The following SYN3 variants were observed in gnomAD, a reference collection of about 807,000 sequenced individuals.
SYN3 encodes the protein synapsin III.
A neutral mutation model predicts 65.8 loss-of-function variants in SYN3; 35 were observed. The ratio of observed to expected loss-of-function variants is 0.53; its 90% CI spans 0.41 to 0.70. The LOEUF is 0.70. Ranked by LOEUF, SYN3 falls within the 30% of genes least tolerant of loss-of-function variation. The pLI is 0.00. For synonymous variants in SYN3, 270 were observed against 292.9 expected (o/e 0.92, Z 0.80); for missense variants, 680 against 749.0 (o/e 0.91, Z 1.08).
At chr22:32,572,411 C>CTCTTCA (rs2058782811) in intron 7 of SYN3, among the ~76,000 whole-genome samples, 3 of 9,602 alleles carry the variant, frequency 3.1e-4, no homozygotes, top group African/African-American at 4.8e-4. Flanking sequence ...TCCCTCCTGT[C>CTCTTCA]TTTCCTTCCT....
At chr22:32,752,380 T>C (rs1326070262) in intron 6 of SYN3, among the ~76,000 whole-genome samples, 1 of 152,162 alleles carries the variant, frequency 6.6e-6, no homozygotes, top group African/African-American at 2.4e-5. Context: ...AAAATCTTGC[T>C]CATTTATGAG....
At chr22:32,667,985 G>A (rs937555336) in intron 6 of SYN3, among the ~76,000 whole-genome samples, 140 of 151,532 alleles carry the variant, frequency 9.2e-4, no homozygotes, top group African/African-American at 2.3e-3. Context: ...TAGTAGAGAC[G>A]GGGTTTCACC....
intron 3 of SYN3, among the ~76,000 whole-genome samples, chr22:32,965,227 C>G (rs774724705): frequency 1.2e-4 from 18 of 145,712 alleles, no homozygotes; most frequent in Admixed American, 2.1e-4. Flanking sequence ...TCAAATCTTG[C>G]TTTACCTGCA....
chr22:32,886,245 C>T (rs2049284880), intron 4 of SYN3, among the ~76,000 whole-genome samples: 1 of 152,154 alleles, frequency 6.6e-6, no homozygotes. Context: ...ACCCCTTGAC[C>T]TGGAATCAGA....
At chr22:32,816,098 A>G (rs1223144285) in intron 6 of SYN3, among the ~76,000 whole-genome samples, 1 of 152,138 alleles carries the variant, frequency 6.6e-6, no homozygotes, top group African/African-American at 2.4e-5. Context: ...CCATGAAGCC[A>G]GATTCTTGGC....
rs748352732 is a variant in SYN3 at position 32,931,500 on chromosome 22, C to CA, written c.370-20dup. The CA allele has an allele frequency of 4.4e-6, 7 of 1,574,386 alleles. No homozygotes were observed. The East Asian group carries it at 6.7e-5, about 15-fold the overall frequency. ...ATTCAGCCTGAAGAATAAAGCAAAG[C>CA]AAAAAAGGATTCATCAAATACCAAC... is the stretch of plus-strand genomic sequence containing the variant. On this transcript the variant is annotated intron_variant, in intron 3 of 13. Transcript: ENST00000358763.
intron 2 of SYN3, among the ~76,000 whole-genome samples, chr22:32,986,837 G>A (rs112027043): frequency 6.6e-6 from 1 of 152,074 alleles, no homozygotes; most frequent in Non-Finnish European, 1.5e-5. Flanking sequence ...ATTCCACGAA[G>A]ATTCTCTCTC....
chr22:32,659,493 T>C (rs955967351), intron 6 of SYN3, among the ~76,000 whole-genome samples: 2 of 152,208 alleles, frequency 1.3e-5, no homozygotes, highest in African/African-American at 4.8e-5. Flanking sequence ...ACCTGTGACA[T>C]GACTGGTACC....
chr22:32,608,769 AAT>A (rs2059402115), intron 6 of SYN3, among the ~76,000 whole-genome samples: 2 of 152,204 alleles, frequency 1.3e-5, no homozygotes, highest in Admixed American at 1.3e-4. Flanking sequence ...TATAAATGGG[AAT>A]AAGCACACCC....
intron 1 of SYN3, among the ~76,000 whole-genome samples, chr22:33,025,285 C>T (rs1304278228): frequency 2.0e-5 from 3 of 151,906 alleles, no homozygotes; most frequent in Non-Finnish European, 4.4e-5. Context: ...AAAACCCCGT[C>T]TCTACTAAAA....
rs188768894 is a variant in SYN3 at position 32,644,808 on chromosome 22, C to T, written c.712-48072G>A. On this transcript the variant is annotated intron_variant, in intron 6 of 13. Coordinates refer to ENST00000358763, the MANE Select transcript of SYN3 (RefSeq NM_003490.4). ...TCCTGGGGTGGCTGCCTGGGGCCTC[C>T]CAGTGCTGTGGCCTTGGTGGCTTTT... Among the ~76,000 whole-genome samples, 713 of 152,200 alleles carry T rather than the reference C, an allele frequency of 4.7e-3. 11 individuals carry two copies. Among genetic ancestry groups the T allele is most frequent in the Admixed American group, 0.027 (418 of 15,286 alleles).
chr22:32,752,703 C>T (rs1055089754), intron 6 of SYN3, among the ~76,000 whole-genome samples: 2 of 152,192 alleles, frequency 1.3e-5, no homozygotes, highest in East Asian at 1.9e-4. Context: ...CCCCTGCTCT[C>T]GGCCAGTCAC....
chr22:32,670,748 A>G (rs931471336), intron 6 of SYN3, among the ~76,000 whole-genome samples: 6 of 152,268 alleles, frequency 3.9e-5, no homozygotes, highest in Non-Finnish European at 8.8e-5. Flanking sequence ...ATGCTGTGCA[A>G]AAGAACTGTT....
At chr22:33,013,545 T>C (rs1225970597) in intron 1 of SYN3, among the ~76,000 whole-genome samples, 3 of 152,176 alleles carry the variant, frequency 2.0e-5, no homozygotes, top group African/African-American at 7.2e-5. Context: ...CTCACACACA[T>C]CATTTTCTGT....
In SYN3 at chr22:32,948,193, A is replaced by C. The variant is rs1601760627; in HGVS notation, c.370-16712T>G. Among the ~76,000 whole-genome samples, 3 of 152,324 alleles carry C rather than the reference A, an allele frequency of 2.0e-5. 1 individual carries two copies. The South Asian group carries it at 6.2e-4, about 32-fold the overall frequency. On this transcript the variant is annotated intron_variant, in intron 3 of 13. Coordinates refer to ENST00000358763, the MANE Select transcript of SYN3 (RefSeq NM_003490.4). ...GGACTTGTGTGGTTTGATGGGGTCT[A>C]GTTGGATACTGTAGAATCCTCTCCT...
At chr22:32,875,460 C>T (rs571229282) in intron 4 of SYN3, among the ~76,000 whole-genome samples, 4 of 152,220 alleles carry the variant, frequency 2.6e-5, no homozygotes, top group Non-Finnish European at 5.9e-5. Context: ...GGGAACCCCA[C>T]ATGTTATGGG....
intron 6 of SYN3, among the ~76,000 whole-genome samples, chr22:32,767,820 C>T (rs2045668375): frequency 6.6e-6 from 1 of 152,128 alleles, no homozygotes; most frequent in African/African-American, 2.4e-5. Flanking sequence ...GACTTGGGGA[C>T]TCTTCTCTAC....
intron 7 of SYN3, among the ~76,000 whole-genome samples, chr22:32,568,214 G>T (rs1255056696): frequency 6.6e-6 from 1 of 152,144 alleles, no homozygotes; most frequent in Non-Finnish European, 1.5e-5. Flanking sequence ...TTCCTGGAAT[G>T]CTCTCCTTGC....
chr22:32,528,734 C>T, intron 11 of SYN3, 140 bp downstream of exon 11: 1 of 1,224,794 alleles, frequency 8.2e-7, no homozygotes. Context: ...CAATGTCTGG[C>T]CTTCGTCCAC....
Sources: gnomAD v4.1 joint callset for allele counts (sites outside exome capture counted in the v4.1 genomes callset) on GRCh38, gnomAD v4.1.1 for gene constraint, MANE v1.5 for transcripts, NCBI Gene and HGNC (gene_info 2026-07-23, HGNC 2026-07-21) for gene names.